Variants in ZFHX3 observed in about 807,000 individuals in gnomAD.
ZFHX3 encodes zinc finger homeobox protein 3.
Under a neutral mutation model 279.1 loss-of-function variants are expected in ZFHX3, and 42 were observed. That is an observed-to-expected ratio of 0.15 (90% CI 0.12 to 0.19). ZFHX3 has a LOEUF of 0.19. Among genes scored for constraint, ZFHX3 ranks in the 10% least tolerant of loss-of-function variants. ZFHX3 has a pLI of 1.00. For synonymous variants in ZFHX3, 2,293 were observed against 1,957.8 expected (o/e 1.17, Z -4.52); for missense variants, 4,981 against 4,754.0 (o/e 1.05, Z -1.40).
At chr16:73,766,610 T>C (rs2053946948) in intron 1 of ZFHX3, among the ~76,000 whole-genome samples, 3 of 152,170 alleles carry the variant, frequency 2.0e-5, no homozygotes, top group Non-Finnish European at 4.4e-5. Flanking sequence ...GCTCTGGAGC[T>C]AGCTTTGGTG....
chr16:73,504,039 G>A (rs1301664537), intron 2 of ZFHX3, among the ~76,000 whole-genome samples: 1 of 152,150 alleles, frequency 6.6e-6, no homozygotes, highest in South Asian at 2.1e-4. Context: ...TTGAGTCAAT[G>A]ATGGTATTAA....
At chr16:73,615,681 A>G (rs2052292773) in intron 2 of ZFHX3, among the ~76,000 whole-genome samples, 1 of 152,222 alleles carries the variant, frequency 6.6e-6, no homozygotes, top group African/African-American at 2.4e-5. Flanking sequence ...GCAACTCACA[A>G]CTAAATCCAG....
chr16:73,187,359 T>C (rs1189002676), intron 5 of ZFHX3, among the ~76,000 whole-genome samples: 1 of 151,114 alleles, frequency 6.6e-6, no homozygotes, highest in Non-Finnish European at 1.5e-5. Flanking sequence ...TTTTTTTAAA[T>C]TGGGCTGATG....
intron 2 of ZFHX3, among the ~76,000 whole-genome samples, chr16:73,658,405 A>G (rs944349566): frequency 2.0e-5 from 3 of 152,134 alleles, no homozygotes; most frequent in Non-Finnish European, 4.4e-5. Context: ...TCCTGGGTTC[A>G]AGCAATTCTG....
intron 2 of ZFHX3, among the ~76,000 whole-genome samples, chr16:73,665,039 G>C (rs117331023): frequency 0.014 from 2,068 of 152,248 alleles, 24 homozygotes; most frequent in Non-Finnish European, 0.023. Context: ...GTCTGCTGAA[G>C]AGTGCAGAGT....
chr16:73,710,607 T>C (rs984499631), intron 1 of ZFHX3, among the ~76,000 whole-genome samples: 3 of 152,064 alleles, frequency 2.0e-5, no homozygotes, highest in Admixed American at 6.5e-5. Context: ...CTCCATGGAA[T>C]GTAGAGAGAG....
At chr16:73,593,396 C>T (rs1305099933) in intron 2 of ZFHX3, among the ~76,000 whole-genome samples, 1 of 152,072 alleles carries the variant, frequency 6.6e-6, no homozygotes. Context: ...CTAAATCTAG[C>T]AACAAATAAA....
chr16:73,530,392 A>G (rs759074553), intron 2 of ZFHX3, among the ~76,000 whole-genome samples: 1 of 152,180 alleles, frequency 6.6e-6, no homozygotes, highest in Non-Finnish European at 1.5e-5. Flanking sequence ...ACGGAAGTTA[A>G]TTACCTCCTC....
chr16:73,845,236 G>A (rs1343572857), intron 1 of ZFHX3, among the ~76,000 whole-genome samples: 1 of 152,156 alleles, frequency 6.6e-6, no homozygotes, highest in African/African-American at 2.4e-5. Flanking sequence ...ATTCAGAGGC[G>A]ATTTGAGAGT....
intron 4 of ZFHX3, among the ~76,000 whole-genome samples, chr16:72,841,080 T>C (rs1301623763): frequency 1.3e-5 from 2 of 152,130 alleles, no homozygotes; most frequent in African/African-American, 4.8e-5. Context: ...AAAAGACCCT[T>C]ACAACTGCAA....
intron 1 of ZFHX3, among the ~76,000 whole-genome samples, chr16:72,990,098 C>T (rs1481581475): frequency 1.3e-5 from 2 of 152,048 alleles, no homozygotes; most frequent in Non-Finnish European, 1.5e-5. Flanking sequence ...AATCAAAAAG[C>T]GCTAAGTCCT....
At chr16:72,873,811 G>C (rs531013948) in intron 4 of ZFHX3, among the ~76,000 whole-genome samples, 4 of 152,098 alleles carry the variant, frequency 2.6e-5, no homozygotes, top group Non-Finnish European at 5.9e-5. Context: ...CTCAGTCTAC[G>C]GAGCTTGCTT....
upstream of ZFHX3, among the ~76,000 whole-genome samples, chr16:73,049,671 A>G (rs2144724312): frequency 6.6e-6 from 1 of 152,260 alleles, no homozygotes; most frequent in Non-Finnish European, 1.5e-5. Flanking sequence ...GGGACAAAGG[A>G]GGGCACAAGC....
intron 3 of ZFHX3, among the ~76,000 whole-genome samples, chr16:72,944,567 T>C (rs1025732479): frequency 1.5e-5 from 2 of 132,536 alleles, no homozygotes; most frequent in African/African-American, 6.2e-5. Context: ...TTTTGTAAAA[T>C]TCCTATGTTA....
chr16:73,890,842 T>A (rs1365655557), intron 1 of ZFHX3, among the ~76,000 whole-genome samples: 1 of 152,060 alleles, frequency 6.6e-6, no homozygotes, highest in Non-Finnish European at 1.5e-5. Context: ...ACACTAACGA[T>A]AAGTGTAATC....
chr16:73,477,527 G>T (rs2018785402), intron 2 of ZFHX3, among the ~76,000 whole-genome samples: 1 of 152,186 alleles, frequency 6.6e-6, no homozygotes, highest in South Asian at 2.1e-4. Context: ...CTATGGTGGG[G>T]CTGCTCAGCC....
intron 7 of ZFHX3, among the ~76,000 whole-genome samples, chr16:73,122,895 G>A (rs900730974): frequency 6.6e-6 from 1 of 152,138 alleles, no homozygotes; most frequent in African/African-American, 2.4e-5. Flanking sequence ...GAGTTAAAAT[G>A]TATAACAAGG....
rs770268150 is a variant in ZFHX3 at position 72,787,161 on chromosome 16, A to T, written c.*3T>A. On this transcript the variant is annotated 3_prime_UTR_variant, in exon 10 of 10. Coordinates refer to ENST00000268489, the MANE Select transcript of ZFHX3 (RefSeq NM_006885.4). ...ATTTGTTTGTATTGTTCATCTTCAA[A>T]GCTTACAATCTGAAGGTGTCCGTTC... The T allele has an allele frequency of 2.0e-6, 3 of 1,500,616 alleles. No individual in the cohort carries two copies. The highest frequency in any genetic ancestry group is 2.7e-6 in the Non-Finnish European group (3 of 1,118,214). 93.0% of individuals were successfully genotyped at this position (1,500,616 alleles called of 1,614,324 possible). A position where few individuals can be genotyped will look rare whatever the true frequency, so the allele number is the denominator to read the frequency against.
At chr16:72,906,183 G>C (rs1440505824) in intron 3 of ZFHX3, among the ~76,000 whole-genome samples, 1 of 151,860 alleles carries the variant, frequency 6.6e-6, no homozygotes, top group African/African-American at 2.4e-5. Flanking sequence ...CCAGCTCCTA[G>C]TGGAATGAGA....
Sources: gnomAD v4.1 joint callset for allele counts (sites outside exome capture counted in the v4.1 genomes callset) on GRCh38, gnomAD v4.1.1 for gene constraint, MANE v1.5 for transcripts, NCBI Gene and HGNC (gene_info 2026-07-23, HGNC 2026-07-21) for gene names.